Variants in SPTBN1 observed in about 807,000 individuals in gnomAD.
SPTBN1 encodes spectrin beta, non-erythrocytic 1, also known as spectrin beta chain, non-erythrocytic 1.
Under a neutral mutation model 266.4 loss-of-function variants are expected in SPTBN1, and 32 were observed. That is an observed-to-expected ratio of 0.12 (90% CI 0.09 to 0.16). SPTBN1 has a LOEUF of 0.16. Ranked by LOEUF, SPTBN1 falls within the 10% of genes least tolerant of loss-of-function variation. SPTBN1 has a pLI of 1.00. For missense variants in SPTBN1, 2,296 were observed against 3,067.1 expected (o/e 0.75, Z 5.94); for synonymous variants, 1,336 against 1,162.2 (o/e 1.15, Z -3.04).
intron 1 of SPTBN1, among the ~76,000 whole-genome samples, chr2:54,499,763 C>T (rs1669152011): frequency 6.6e-6 from 1 of 152,128 alleles, no homozygotes; most frequent in South Asian, 2.1e-4. Flanking sequence ...TTATGAAGCC[C>T]CTGTTATTAC....
intron 2 of SPTBN1, among the ~76,000 whole-genome samples, chr2:54,564,041 C>T (rs772265641): frequency 5.3e-5 from 8 of 152,118 alleles, no homozygotes; most frequent in African/African-American, 1.7e-4. Flanking sequence ...TGGATCATGG[C>T]GCCCAAATAA....
chr2:54,465,637 C>CATATATATATATATATA lies in SPTBN1; in HGVS notation c.-48+9119_-48+9120insATATATATATATATATA, dbSNP rs1433073794. ...TATGATGCATACATATCATGTTTAT[C>CATATATATATATATATA]TCATATATATATATATATATATATA... On this transcript the variant is annotated intron_variant, in intron 1 of 35. Transcript: ENST00000356805. Among the ~76,000 whole-genome samples, 568 of 89,600 alleles carry CATATATATATATATATA rather than the reference C, an allele frequency of 6.3e-3. 24 individuals are homozygous for CATATATATATATATATA. The highest frequency in any genetic ancestry group is 0.014 in the Admixed American group (101 of 7,198). 58.8% of individuals were successfully genotyped at this position (89,600 alleles called of 152,430 possible).
chr2:54,482,357 G>GAA (rs66491029), intron 1 of SPTBN1, among the ~76,000 whole-genome samples: 27 of 143,378 alleles, frequency 1.9e-4, no homozygotes, highest in South Asian at 8.9e-4. Flanking sequence ...TCTACAGCAG[G>GAA]AAAAAAAAAA....
rs149143623 is a variant in SPTBN1, at chr2:54,631,897, G to A, written c.3564+286G>A. Among the ~76,000 whole-genome samples the A allele has an allele frequency of 5.1e-4, 77 of 152,106 alleles. 1 individual carries two copies. Among genetic ancestry groups the A allele is most frequent in the African/African-American group, 1.4e-3 (59 of 41,492 alleles). ...GTGTTCATAGTATGTCTTCATAATT[G>A]AGGTATTGATCCAATTTAAAAGATA... On this transcript the variant is annotated intron_variant, in intron 16 of 35. Coordinates refer to ENST00000356805, the MANE Select transcript of SPTBN1 (RefSeq NM_003128.3).
intron 8 of SPTBN1, 92 bp from the exon 9 acceptor site, chr2:54,622,208 C>T: frequency 4.4e-6 from 6 of 1,359,246 alleles, no homozygotes; most frequent in East Asian, 2.3e-5. Flanking sequence ...CAAAGCCGGT[C>T]GTTTTGTGTG....
rs143477094 is a variant in SPTBN1 at position 54,482,601 on chromosome 2, T to C, written c.-48+26083T>C. Among the ~76,000 whole-genome samples, 206 of 152,330 alleles carry C rather than the reference T, an allele frequency of 1.4e-3. 5 individuals carry two copies. In the South Asian group the frequency reaches 0.039, roughly 29 times the overall value. ...TGAGCACCAGGAAGTTACTTATGTT[T>C]ATGTGAATTAAAATGAAGTAAACTG... On this transcript the variant is annotated intron_variant, in intron 1 of 35. Transcript: ENST00000356805.
In SPTBN1 at chr2:54,670,498, C is replaced by G. The variant is rs1338688458; in HGVS notation, c.*1929C>G. On this transcript the variant is annotated 3_prime_UTR_variant, in exon 36 of 36. Transcript: ENST00000356805. ...ACCTCTAGGCAAACTGAGACCTCAC[C>G]ATCCTCTCCCCTGCTTCCCACGACA... is the stretch of plus-strand genomic sequence containing the variant. 7.6e-6 allele frequency: 3 copies of G among 393,032 alleles called. No individual in the cohort carries two copies. In the East Asian group the frequency reaches 1.1e-4, roughly 14 times the overall value. 24.3% of individuals were successfully genotyped at this position (393,032 alleles called of 1,614,324 possible).
chr2:54,624,738 C>G (rs887126167), intron 10 of SPTBN1, 66 bp from the exon 11 acceptor site: 1 of 1,597,754 alleles, frequency 6.3e-7, no homozygotes, highest in African/African-American at 1.3e-5. Context: ...TGACTGTAAC[C>G]ACGGAAGTTT....
chr2:54,491,018 GTGT>G (rs1018377023), intron 1 of SPTBN1, among the ~76,000 whole-genome samples: 2 of 152,178 alleles, frequency 1.3e-5, no homozygotes, highest in Non-Finnish European at 2.9e-5. Context: ...TCAAGCTTGT[GTGT>G]TCTTCAAAGC....
At chr2:54,614,288 C>T (rs554689779) in intron 4 of SPTBN1, among the ~76,000 whole-genome samples, 31 of 152,246 alleles carry the variant, frequency 2.0e-4, no homozygotes, top group African/African-American at 7.2e-4. Flanking sequence ...TCCACATATC[C>T]TTGTAGATAC....
intron 32 of SPTBN1, chr2:54,662,120 C>G (rs1681088987): frequency 7.1e-6 from 7 of 985,282 alleles, no homozygotes; most frequent in Non-Finnish European, 8.4e-6. Flanking sequence ...GTGTGCCCAG[C>G]CACTAAAGCA....
chr2:54,544,583 A>G (rs577139196), intron 2 of SPTBN1, among the ~76,000 whole-genome samples: 3 of 152,286 alleles, frequency 2.0e-5, no homozygotes, highest in African/African-American at 7.2e-5. Context: ...AGAGATACAC[A>G]TGACTAATTT....
At chr2:54,571,546 T>TACACACACAC (rs71408769) in intron 2 of SPTBN1, among the ~76,000 whole-genome samples, 1 of 134,446 alleles carries the variant, frequency 7.4e-6, no homozygotes, top group African/African-American at 3.2e-5. Flanking sequence ...TAATTGTATG[T>TACACACACAC]ACACACACAC....
At chr2:54,654,957 AT>A in intron 27 of SPTBN1, 112 bp from the exon 28 acceptor site, 4 of 612,542 alleles carry the variant, frequency 6.5e-6, no homozygotes, top group Non-Finnish European at 9.1e-6. Context: ...CTGAAAGACC[AT>A]CAGTTTCTTT....
chr2:54,651,271 T>C (rs193227093), intron 26 of SPTBN1, among the ~76,000 whole-genome samples: 20 of 152,272 alleles, frequency 1.3e-4, no homozygotes, highest in African/African-American at 3.9e-4. Context: ...TTCACCTCAT[T>C]AGACTTAGAG....
At chr2:54,591,529 G>A (rs1675682406) in intron 2 of SPTBN1, among the ~76,000 whole-genome samples, 1 of 152,190 alleles carries the variant, frequency 6.6e-6, no homozygotes, top group South Asian at 2.1e-4. Context: ...AAAAGTAAAA[G>A]AAAGATTCCT....
rs753200421 is a variant in SPTBN1 at position 54,664,183 on chromosome 2, A to T, written c.6421-270A>T. ...ACCATAAGAGGAGATGATCTGAGTT[A>T]TATTTATTGATCAGAGGAATAGAGT... On this transcript the variant is annotated intron_variant, in intron 32 of 35. Transcript: ENST00000356805. The surrounding 1 kb of genome is among the most constrained non-coding windows in gnomAD (Gnocchi z 5.6). 1.1e-4 allele frequency: 39 copies of T among 360,862 alleles called. No individual in the cohort carries two copies. Among genetic ancestry groups the T allele is most frequent in the Admixed American group, 2.1e-4 (5 of 23,564 alleles). The allele number at this position is 360,862 out of a possible 1,614,324, so 22.4% of individuals were successfully genotyped here.
chr2:54,609,479 A>T (rs1196967659), intron 3 of SPTBN1, among the ~76,000 whole-genome samples: 2 of 152,226 alleles, frequency 1.3e-5, no homozygotes, highest in Admixed American at 6.5e-5. Context: ...TTTTTCTGTA[A>T]CAATGATGGC....
intron 1 of SPTBN1, 103 bp downstream of exon 1, chr2:54,456,621 G>T (rs933727215): frequency 1.3e-5 from 2 of 151,516 alleles, no homozygotes; most frequent in Admixed American, 1.3e-4. Flanking sequence ...CGGGCCCAGG[G>T]CCGGAGGACG....
Sources: allele counts gnomAD v4.1 joint callset (sites outside exome capture counted in the v4.1 genomes callset), GRCh38; gene constraint gnomAD v4.1.1; non-coding constraint Gnocchi (gnomAD v3.1); transcripts MANE v1.5; gene names NCBI Gene and HGNC (gene_info 2026-07-23, HGNC 2026-07-21).